SFMBT1: variants seen among roughly 807,000 people sequenced by gnomAD.
The protein encoded by SFMBT1 is scm-like with four MBT domains protein 1.
Under a neutral mutation model 108.7 loss-of-function variants are expected in SFMBT1, and 32 were observed. That is an observed-to-expected ratio of 0.29 (90% CI 0.22 to 0.40). The LOEUF (loss-of-function observed/expected upper bound fraction) is 0.40. Among genes scored for constraint, SFMBT1 ranks in the 10% least tolerant of loss-of-function variants. The probability of loss-of-function intolerance (pLI) is 1.00; values close to 1 mark genes in which losing one functional copy is unlikely to be tolerated. For missense variants in SFMBT1, 816 were observed against 1,059.6 expected (o/e 0.77, Z 3.19); for synonymous variants, 348 against 369.5 (o/e 0.94, Z 0.67).
intron 1 of SFMBT1, among the ~76,000 whole-genome samples, chr3:53,033,997 G>A (rs564625086): frequency 6.7e-6 from 1 of 149,408 alleles, no homozygotes; most frequent in East Asian, 2.0e-4. Context: ...TTGAACCCAG[G>A]AGGCGGAGGT....
At chr3:53,006,268 G>A (rs1220814657) in intron 1 of SFMBT1, among the ~76,000 whole-genome samples, 1 of 152,184 alleles carries the variant, frequency 6.6e-6, no homozygotes, top group African/African-American at 2.4e-5. Flanking sequence ...ATCAGAGACT[G>A]ATGTTCAGGA....
intron 1 of SFMBT1, among the ~76,000 whole-genome samples, chr3:53,024,120 GA>G (rs1007046734): frequency 3.3e-5 from 5 of 151,984 alleles, no homozygotes; most frequent in African/African-American, 9.7e-5. Context: ...GTGCTAAGGA[GA>G]AAAAAAATTA....
intron 2 of SFMBT1, among the ~76,000 whole-genome samples, chr3:52,962,788 C>T (rs1575405112): frequency 8.8e-6 from 1 of 113,500 alleles, no homozygotes; most frequent in Non-Finnish European, 1.7e-5. Context: ...GCCTGGGTGA[C>T]AGAGCAAGGC....
In SFMBT1 at chr3:52,936,296, T is replaced by C. The variant is rs181993788; in HGVS notation, c.365-1395A>G. ...TTTGATTATGCTGAGGTAGATTTCA[T>C]AGAAAGAAGGCTTTCTTTGAACATA... is the stretch of plus-strand genomic sequence containing the variant. On this transcript the variant is annotated intron_variant, in intron 4 of 20. Transcript: ENST00000394752. Among the ~76,000 whole-genome samples, 988 of 152,338 alleles carry C rather than the reference T, an allele frequency of 6.5e-3. 93 individuals carry two copies. The South Asian group carries it at 0.18, about 28-fold the overall frequency.
At chr3:53,019,400 G>T (rs1411283277) in intron 1 of SFMBT1, among the ~76,000 whole-genome samples, 1 of 151,498 alleles carries the variant, frequency 6.6e-6, no homozygotes, top group African/African-American at 2.4e-5. Context: ...GGGGGTATAT[G>T]TGTGAAATCA....
At chr3:53,008,783 C>A (rs1274953820) in intron 1 of SFMBT1, among the ~76,000 whole-genome samples, 1 of 151,956 alleles carries the variant, frequency 6.6e-6, no homozygotes, top group African/African-American at 2.4e-5. Flanking sequence ...TACAAGGCAC[C>A]CGCCACCACG....
chr3:52,920,105 C>T (rs1184051294), intron 12 of SFMBT1, among the ~76,000 whole-genome samples: 1 of 152,202 alleles, frequency 6.6e-6, no homozygotes. Flanking sequence ...TCTGCCAACG[C>T]CTGGATCTTG....
intron 3 of SFMBT1, among the ~76,000 whole-genome samples, chr3:52,945,225 T>A (rs1250701251): frequency 1.4e-5 from 2 of 147,592 alleles, no homozygotes; most frequent in East Asian, 4.0e-4. Context: ...GAATATCTTG[T>A]GATGCCAGAA....
chr3:52,932,044 T>C lies in SFMBT1; in HGVS notation c.700+18A>G. ...GCATGTTAATGTCACAGAAGAAAAATGTCCTATTACTCTTCACCTGAAGGG... is the reference window on the plus strand; with the variant it reads ...GCATGTTAATGTCACAGAAGAAAAACGTCCTATTACTCTTCACCTGAAGGG... On this transcript the variant is annotated intron_variant, in intron 6 of 20. Coordinates refer to ENST00000394752, the MANE Select transcript of SFMBT1 (RefSeq NM_016329.4). 6.2e-7 allele frequency: 1 copy of C among 1,604,030 alleles called. No individual in the cohort carries two copies. Among genetic ancestry groups the C allele is most frequent in the East Asian group, 2.2e-5 (1 of 44,724 alleles).
chr3:52,980,180 G>C lies in SFMBT1; in HGVS notation c.-130-10922C>G, dbSNP rs543468467. ...CAGACTGTACATGGTGTCATTCCCA[G>C]TCCTGAGAAATGTAAACAAACCTAA... On this transcript the variant is annotated intron_variant, in intron 1 of 20. Transcript: ENST00000394752. Among the ~76,000 whole-genome samples, 107 of 152,216 alleles carry C rather than the reference G, an allele frequency of 7.0e-4. 3 individuals carry two copies. In the South Asian group the frequency reaches 0.019, roughly 27 times the overall value.
intron 1 of SFMBT1, among the ~76,000 whole-genome samples, chr3:53,026,327 C>T (rs1209241343): frequency 6.6e-6 from 1 of 152,072 alleles, no homozygotes; most frequent in Non-Finnish European, 1.5e-5. Flanking sequence ...TAGCATTCTA[C>T]CAAAATCAGT....
intron 10 of SFMBT1, 55 bp from the exon 11 acceptor site, chr3:52,921,886 G>T (rs539656079): frequency 1.4e-5 from 22 of 1,579,090 alleles, no homozygotes; most frequent in Admixed American, 3.4e-5. Context: ...ATTAACTCAC[G>T]TGCTCAGCTA....
At position 52,971,624 on chromosome 3, in the gene SFMBT1, C is replaced by T. The variant is rs76381216; in HGVS notation, c.-130-2366G>A. ...TAAAGTAATCAAGAGAGATATGGTT[C>T]CTGCTTTCATGGAGCTTATTTTCAA... On this transcript the variant is annotated intron_variant, in intron 1 of 20. Transcript: ENST00000394752. Among the ~76,000 whole-genome samples, 1,440 of 152,228 alleles carry T rather than the reference C, an allele frequency of 9.5e-3. 13 individuals carry two copies. The highest frequency in any genetic ancestry group is 0.016 in the Non-Finnish European group (1,067 of 68,002).
At chr3:52,995,377 G>C (rs1270556545) in intron 1 of SFMBT1, among the ~76,000 whole-genome samples, 3 of 150,234 alleles carry the variant, frequency 2.0e-5, no homozygotes, top group African/African-American at 7.3e-5. Context: ...TTCTGAGCTT[G>C]GACTGGCAAA....
chr3:52,906,635 TTTAG>T (rs1702071630), intron 19 of SFMBT1, among the ~76,000 whole-genome samples: 2 of 152,238 alleles, frequency 1.3e-5, no homozygotes, highest in Admixed American at 1.3e-4. Context: ...TAAATTGTTC[TTTAG>T]TGTTATACAT....
chr3:53,032,921 A>C (rs1699735200), intron 1 of SFMBT1, among the ~76,000 whole-genome samples: 1 of 152,176 alleles, frequency 6.6e-6, no homozygotes, highest in Non-Finnish European at 1.5e-5. Flanking sequence ...CTTAAAGGAC[A>C]AACAGGGATT....
chr3:52,979,191 CA>C (rs144425803), intron 1 of SFMBT1, among the ~76,000 whole-genome samples: 20 of 140,944 alleles, frequency 1.4e-4, no homozygotes, highest in Admixed American at 2.1e-4. Flanking sequence ...AAGCCAATGA[CA>C]AAAAAAAAAG....
chr3:53,022,680 A>G (rs1371630173), intron 1 of SFMBT1, among the ~76,000 whole-genome samples: 1 of 152,032 alleles, frequency 6.6e-6, no homozygotes, highest in African/African-American at 2.4e-5. Context: ...CAAATACATG[A>G]CTCCACTTCT....
intron 1 of SFMBT1, among the ~76,000 whole-genome samples, chr3:52,994,476 A>G (rs1470387150): frequency 6.6e-6 from 1 of 150,410 alleles, no homozygotes; most frequent in East Asian, 1.9e-4. Context: ...TGAGCTTCTA[A>G]ACACCACAGA....
Sources: gnomAD v4.1 joint callset for allele counts (sites outside exome capture counted in the v4.1 genomes callset) on GRCh38, gnomAD v4.1.1 for gene constraint, MANE v1.5 for transcripts, NCBI Gene and HGNC (gene_info 2026-07-23, HGNC 2026-07-21) for gene names.